Variants in MAF observed in about 807,000 individuals in gnomAD.
The protein encoded by MAF is transcription factor Maf.
In MAF, 10 loss-of-function variants were observed where a neutral mutation model predicts 22.0. That is an observed-to-expected ratio of 0.45 (90% CI 0.28 to 0.77). The LOEUF is 0.77. Among genes scored for constraint, MAF ranks in the 30% least tolerant of loss-of-function variants. The probability of loss-of-function intolerance (pLI) is 0.12; values close to 1 mark genes in which losing one functional copy is unlikely to be tolerated. For missense variants in MAF, 544 were observed against 548.4 expected (o/e 0.99, Z 0.08); for synonymous variants, 337 against 255.8 (o/e 1.32, Z -3.03).
downstream of MAF, among the ~76,000 whole-genome samples, chr16:79,592,807 A>T (rs1913262530): frequency 6.6e-6 from 1 of 152,260 alleles, no homozygotes; most frequent in South Asian, 2.1e-4. Context: ...AAATAAAAGA[A>T]CTAAGACATT....
At chr16:79,381,209 T>C in the MAF span, among the ~76,000 whole-genome samples, 1 of 152,276 alleles carries the variant, frequency 6.6e-6, no homozygotes, top group African/African-American at 2.4e-5. Context: ...TGTGACTTCC[T>C]ATTAACAGTA....
chr16:79,350,390 T>C, the MAF span, among the ~76,000 whole-genome samples: 1 of 152,232 alleles, frequency 6.6e-6, no homozygotes, highest in Non-Finnish European at 1.5e-5. Flanking sequence ...GATTTGAGTC[T>C]CCAGCTGTGG....
chr16:79,364,991 G>A, the MAF span, among the ~76,000 whole-genome samples: 1 of 152,238 alleles, frequency 6.6e-6, no homozygotes, highest in African/African-American at 2.4e-5. Flanking sequence ...GGAAGTGTTT[G>A]TAGAGGCAAG....
chr16:79,540,602 T>A, the MAF span, among the ~76,000 whole-genome samples: 6 of 152,154 alleles, frequency 3.9e-5, no homozygotes. Context: ...GCTAGGAACC[T>A]CTGTGGGAAG....
the MAF span, among the ~76,000 whole-genome samples, chr16:79,500,115 G>A: frequency 2.2e-4 from 33 of 152,262 alleles, no homozygotes; most frequent in African/African-American, 7.7e-4. Context: ...CCATGACCCC[G>A]CTGACACCTC....
the MAF span, among the ~76,000 whole-genome samples, chr16:79,580,161 G>T: frequency 6.6e-6 from 1 of 152,054 alleles, no homozygotes; most frequent in South Asian, 2.1e-4. Context: ...CCAGGGTCAG[G>T]ACCAAAACAC....
the MAF span, among the ~76,000 whole-genome samples, chr16:79,218,928 C>A: frequency 6.6e-6 from 1 of 152,178 alleles, no homozygotes; most frequent in Non-Finnish European, 1.5e-5. Context: ...ACACCCCAAG[C>A]CTCTGTGGTT....
the MAF span, among the ~76,000 whole-genome samples, chr16:79,347,961 T>C: frequency 6.6e-6 from 1 of 152,230 alleles, no homozygotes; most frequent in Middle Eastern, 3.2e-3. Context: ...ATATATAATT[T>C]TTAAATTAGG....
At chr16:79,220,842 G>A in the MAF span, among the ~76,000 whole-genome samples, 1 of 152,218 alleles carries the variant, frequency 6.6e-6, no homozygotes, top group East Asian at 1.9e-4. Context: ...TCACCCAGGT[G>A]GATATGCTGC....
At chr16:79,385,534 T>A in the MAF span, among the ~76,000 whole-genome samples, 1 of 152,228 alleles carries the variant, frequency 6.6e-6, no homozygotes, top group African/African-American at 2.4e-5. Context: ...TGCGTCTACT[T>A]ATGGCTTTGA....
At chr16:79,449,400 G>C in the MAF span, among the ~76,000 whole-genome samples, 95 of 152,286 alleles carry the variant, frequency 6.2e-4, no homozygotes, top group Non-Finnish European at 1.2e-3. Flanking sequence ...CTTAATTACT[G>C]TATTTGCTTT....
At position 79,598,805 on chromosome 16, in the gene MAF, C is replaced by A. The variant is rs2143797057; in HGVS notation, c.1098G>T (p.Pro366=). Residue 366 remains proline (P), a synonymous_variant, in exon 1 of 2, where the codon CCG becomes CCT. Coordinates refer to ENST00000326043, the MANE Select transcript of MAF (RefSeq NM_005360.5). ...CTCACATGAAAAACTCGGGAGAGGACGGGTTGTCGCTGCTCGAGCCGTTTT... is the reference window on the plus strand; with the variant it reads ...CTCACATGAAAAACTCGGGAGAGGAAGGGTTGTCGCTGCTCGAGCCGTTTT... The part of the protein sequence containing the change: ...FRENGSSSDN[P]SSPEFFITEP... The A allele has an allele frequency of 2.5e-6, 4 of 1,613,724 alleles. No individual in the cohort carries two copies. The highest frequency in any genetic ancestry group is 2.5e-6 in the Non-Finnish European group (3 of 1,179,956).
chr16:79,213,485 C>G, the MAF span, among the ~76,000 whole-genome samples: 1 of 152,248 alleles, frequency 6.6e-6, no homozygotes, highest in Non-Finnish European at 1.5e-5. Flanking sequence ...AGAATCTACA[C>G]CTGGAGGGGA....
chr16:79,238,830 G>T, the MAF span, among the ~76,000 whole-genome samples: 1 of 151,926 alleles, frequency 6.6e-6, no homozygotes, highest in Admixed American at 6.6e-5. Context: ...CTTTTTCTTG[G>T]GGGATATAGG....
intron 1 of MAF, chr16:79,595,976 C>T: frequency 9.4e-7 from 1 of 1,060,100 alleles, no homozygotes; most frequent in Non-Finnish European, 1.1e-6. Flanking sequence ...TATGTTAAAT[C>T]TTGTCAGGCC....
chr16:79,461,860 A>G, the MAF span, among the ~76,000 whole-genome samples: 8 of 152,204 alleles, frequency 5.3e-5, no homozygotes, highest in South Asian at 1.0e-3. Context: ...TGGGTGACCT[A>G]TGGTTTATTT....
At chr16:79,319,030 G>T in the MAF span, among the ~76,000 whole-genome samples, 4 of 151,994 alleles carry the variant, frequency 2.6e-5, no homozygotes, top group Non-Finnish European at 5.9e-5. Flanking sequence ...AAGGAAAACC[G>T]GAAAATTCAC....
chr16:79,234,839 C>G, the MAF span, among the ~76,000 whole-genome samples: 3 of 152,102 alleles, frequency 2.0e-5, no homozygotes, highest in African/African-American at 7.2e-5. Context: ...TGAGGCTGAT[C>G]ATGTAACTTA....
the MAF span, among the ~76,000 whole-genome samples, chr16:79,318,887 C>T: frequency 2.1e-4 from 32 of 152,272 alleles, no homozygotes; most frequent in East Asian, 5.4e-3. Context: ...CTGTGGATTC[C>T]TCCTTACAGC....
Sources: allele counts gnomAD v4.1 joint callset (sites outside exome capture counted in the v4.1 genomes callset), GRCh38; gene constraint gnomAD v4.1.1; transcripts MANE v1.5; gene names NCBI Gene and HGNC (gene_info 2026-07-23, HGNC 2026-07-21).